XRCC3: variants seen among roughly 807,000 people sequenced by gnomAD.
XRCC3 encodes the protein DNA repair protein XRCC3.
Under a neutral mutation model 29.2 loss-of-function variants are expected in XRCC3, and 34 were observed. That is an observed-to-expected ratio of 1.16 (90% CI 0.88 to 1.55). The LOEUF (loss-of-function observed/expected upper bound fraction) is 1.55, where lower values mean the gene tolerates loss of function less well. Among genes scored for constraint, XRCC3 ranks in the 40% most tolerant of loss-of-function variants. XRCC3 has a pLI of 0.00. For synonymous variants in XRCC3, 223 were observed against 211.3 expected, an observed-to-expected ratio of 1.06 and a Z score of -0.48; for missense variants, 463 against 467.6, an observed-to-expected ratio of 0.99 and a Z score of 0.09.
At position 103,699,350 on chromosome 14, in the gene XRCC3, G is replaced by A. The variant is rs756610731; in HGVS notation, c.774+14C>T. ...AATACGAGCTCAGGGGTGCAACCCTGCCTTGGTGCTCACCTGGTTGATGCA... is the reference window on the plus strand; with the variant it reads ...AATACGAGCTCAGGGGTGCAACCCTACCTTGGTGCTCACCTGGTTGATGCA... On this transcript the variant is annotated intron_variant, in intron 8 of 9. Coordinates refer to ENST00000555055, the MANE Select transcript of XRCC3 (RefSeq NM_005432.4). 1.3e-6 allele frequency: 2 copies of A among 1,591,790 alleles called. No homozygotes were observed. Among genetic ancestry groups the A allele is most frequent in the Admixed American group, 3.6e-5 (2 of 56,084 alleles).
At chr14:103,707,373 G>T in intron 5 of XRCC3, 158 bp from the exon 6 acceptor site, 1 of 900,770 alleles carries the variant, frequency 1.1e-6, no homozygotes, top group Non-Finnish European at 1.7e-6. Flanking sequence ...AGGGCAGGGA[G>T]GGGGGCCCAG....
Position 103,703,168 on chromosome 14 carries a change from C to T in XRCC3, c.561+5G>A, listed in dbSNP as rs907188001. On this transcript the variant is annotated splice_donor_5th_base_variant and intron_variant, in intron 7 of 9. Transcript: ENST00000555055. ...GGGGTGTCATGGGGCTTCTCCCACA[C>T]TCACCACATCGGCCACGTGCTCGAT... is the stretch of plus-strand genomic sequence containing the variant. 6.4e-7 allele frequency: 1 copy of T among 1,566,526 alleles called. No individual in the cohort carries two copies. The highest frequency in any genetic ancestry group is 1.8e-5 in the Admixed American group (1 of 54,708).
Position 103,703,268 on chromosome 14 carries a change from CCATGAGCTGCTGCAGG to C in XRCC3, c.450_465del (p.Leu151ProfsTer39). The stretch of plus-strand genomic sequence containing the variant: ...TCAGTGCGCAGCCGCGGCTGCTGGG[CCATGAGCTGCTGCAGG>C]CGCTTGTGCGGGAAGGCGTCTTCCG... On this transcript the variant is annotated frameshift_variant, in exon 7 of 10. Coordinates refer to ENST00000555055, the MANE Select transcript of XRCC3 (RefSeq NM_005432.4). LOFTEE classifies it high-confidence loss of function. 1 of 1,559,662 alleles carries C rather than the reference CCATGAGCTGCTGCAGG, an allele frequency of 6.4e-7. No individual in the cohort carries two copies. Among genetic ancestry groups the C allele is most frequent in the Admixed American group, 1.9e-5 (1 of 53,226 alleles).
chr14:103,700,264 G>A (rs2083047383), intron 7 of XRCC3: 1 of 215,820 alleles, frequency 4.6e-6, no homozygotes, highest in South Asian at 8.2e-5. Context: ...GCCAAGGGGT[G>A]GAAACAGCCC....
chr14:103,703,691 T>A, intron 6 of XRCC3: 1 of 343,612 alleles, frequency 2.9e-6, no homozygotes, highest in Non-Finnish European at 5.7e-6. Flanking sequence ...AGGGAGCAAG[T>A]GGCAGCATCA....
intron 4 of XRCC3, 62 bp downstream of exon 4, chr14:103,710,971 C>T: frequency 1.3e-6 from 2 of 1,574,470 alleles, no homozygotes; most frequent in Non-Finnish European, 1.7e-6. Context: ...GTTTTGTTAA[C>T]CTGCCTTATA....
chr14:103,708,221 G>T, intron 5 of XRCC3: 1 of 459,188 alleles, frequency 2.2e-6, no homozygotes, highest in Non-Finnish European at 4.0e-6. Context: ...AGCCTGAAGG[G>T]CTCTGGGTGC....
rs1355372992 is a variant in XRCC3 at position 103,707,227 on chromosome 14, G to A, written c.194-12C>T. ...GTGCAGCTGCAGTGCTAAAGGGCAG[G>A]GATAGTGTCAGGCCTGACTCTCCTG... On this transcript the variant is annotated splice_polypyrimidine_tract_variant and intron_variant, in intron 5 of 9. Transcript: ENST00000555055. 4 of 1,548,416 alleles carry A rather than the reference G, an allele frequency of 2.6e-6. No individual in the cohort carries two copies. The highest frequency in any genetic ancestry group is 2.4e-5 in the South Asian group (2 of 83,920).
chr14:103,707,363 A>C, intron 5 of XRCC3, 148 bp from the exon 6 acceptor site: 1 of 944,416 alleles, frequency 1.1e-6, no homozygotes. Context: ...CAAGGTGCTG[A>C]GGGCAGGGAG....
At position 103,707,007 on chromosome 14, in the gene XRCC3, C is replaced by T; in HGVS notation, c.402G>A (p.Glu134=). 9 of 1,554,762 alleles carry T rather than the reference C, an allele frequency of 5.8e-6. No individual in the cohort carries two copies. The highest frequency in any genetic ancestry group is 7.8e-6 in the Non-Finnish European group (9 of 1,154,942). ...ACGGAAGGGGTGGCCACTCACCAGC[C>T]TCCAGGCCTCCGTGCTGCCGCGGGA... is the stretch of plus-strand genomic sequence containing the variant. The part of the protein sequence containing the change: ...VQFPRQHGGL[E]AGAVYICTED... Residue 134 remains glutamate, a synonymous_variant, in exon 6 of 10, where the codon GAG becomes GAA. Transcript: ENST00000555055.
chr14:103,714,707 T>C (rs187681932), intron 1 of XRCC3, among the ~76,000 whole-genome samples: 2 of 151,944 alleles, frequency 1.3e-5, no homozygotes, highest in East Asian at 3.9e-4. Context: ...TGAGATGGAG[T>C]CTTTTTCTGT....
At chr14:103,707,268 C>G in intron 5 of XRCC3, 53 bp from the exon 6 acceptor site, 4 of 1,543,774 alleles carry the variant, frequency 2.6e-6, no homozygotes, top group South Asian at 1.2e-5. Context: ...GCGGGCAGGG[C>G]TGGGGACTGC....
At chr14:103,702,245 A>G (rs2083245242) in intron 7 of XRCC3, 1 of 152,450 alleles carries the variant, frequency 6.6e-6, no homozygotes, top group African/African-American at 2.4e-5. Flanking sequence ...CTCCAAGCCC[A>G]GCCAGTGTCT....
chr14:103,708,434 A>C, intron 5 of XRCC3, 88 bp downstream of exon 5: 1 of 1,588,076 alleles, frequency 6.3e-7, no homozygotes, highest in Non-Finnish European at 8.6e-7. Flanking sequence ...TCCCTGGGTG[A>C]AGTCTGCACA....
In XRCC3 at chr14:103,698,934, C is replaced by T. The variant is rs28903081; in HGVS notation, c.905G>A (p.Arg302His). 765 of 1,600,194 alleles carry T rather than the reference C, an allele frequency of 4.8e-4. 2 individuals carry two copies. Among genetic ancestry groups the T allele is most frequent in the African/African-American group, 4.5e-3 (335 of 74,764 alleles). Residue 302 changes from arginine (R) to histidine (H), a missense_variant, in exon 10 of 10, where the codon CGC becomes CAC. Arg to His is a conservative substitution (Grantham distance 29, BLOSUM62 0). Coordinates refer to ENST00000555055, the MANE Select transcript of XRCC3 (RefSeq NM_005432.4). ...LLVRLLADRL[R>H]EEEAALGCPA... Reference sequence around the variant, plus strand: ...GCAGCCGAGGGCAGCCTCTTCCTCGCGGAGCCGGTCAGCCAGCAGTCTCAC... The same window carrying T: ...GCAGCCGAGGGCAGCCTCTTCCTCGTGGAGCCGGTCAGCCAGCAGTCTCAC...
In XRCC3 at chr14:103,706,995, C is replaced by T. The variant is rs2083459580; in HGVS notation, c.406+8G>A. 3.2e-6 allele frequency: 5 copies of T among 1,548,332 alleles called. No homozygotes were observed. Among genetic ancestry groups the T allele is most frequent in the Admixed American group, 1.9e-5 (1 of 52,458 alleles). On this transcript the variant is annotated splice_region_variant and intron_variant, in intron 6 of 9. Coordinates refer to ENST00000555055, the MANE Select transcript of XRCC3 (RefSeq NM_005432.4). ...TGCCCAGACCCCACGGAAGGGGTGG[C>T]CACTCACCAGCCTCCAGGCCTCCGT...
intron 7 of XRCC3, 177 bp downstream of exon 7, chr14:103,702,996 A>G (rs1438627110): frequency 1.0e-6 from 1 of 958,004 alleles, no homozygotes; most frequent in East Asian, 2.7e-5. Context: ...GTCACTCTCC[A>G]TCCTCTGACC....
Position 103,697,844 on chromosome 14 carries a change from T to C in XRCC3, c.*954A>G, listed in dbSNP as rs935987951. 6.6e-6 allele frequency: 1 copy of C among 152,230 alleles called. No individual in the cohort carries two copies. Among genetic ancestry groups the C allele is most frequent in the African/African-American group, 2.4e-5 (1 of 41,402 alleles). 9.4% of individuals were successfully genotyped at this position (152,230 alleles called of 1,614,324 possible). A position where few individuals can be genotyped will look rare whatever the true frequency, so the allele number is the denominator to read the frequency against. ...AGCCAGATGTAAGGCCTGGCCACAG[T>C]GTGGGACTGGGTCTGCACAGTGTGG... On this transcript the variant is annotated 3_prime_UTR_variant, in exon 10 of 10. Transcript: ENST00000555055.
In XRCC3 at chr14:103,699,558, C is replaced by T. The variant is rs762464936; in HGVS notation, c.580G>A (p.Val194Met). 35 of 1,613,306 alleles carry T rather than the reference C, an allele frequency of 2.2e-5. No homozygotes were observed. Among genetic ancestry groups the T allele is most frequent in the Non-Finnish European group, 2.8e-5 (33 of 1,179,934 alleles). Residue 194 changes from valine to methionine, a missense_variant, in exon 8 of 10, where the codon GTG becomes ATG. Coordinates refer to ENST00000555055, the MANE Select transcript of XRCC3 (RefSeq NM_005432.4). ...VADVDTLLECVNKKVPVLLSR... is the reference protein window; with the variant it reads ...VADVDTLLECMNKKVPVLLSR... ...AGCAGTACGGGGACCTTCTTATTCA[C>T]ACACTCCAACAAGGTGTCCTGTGGG...
Sources: gnomAD v4.1 joint callset for allele counts (sites outside exome capture counted in the v4.1 genomes callset) on GRCh38, gnomAD v4.1.1 for gene constraint, MANE v1.5 for transcripts, NCBI Gene and HGNC (gene_info 2026-07-23, HGNC 2026-07-21) for gene names.